The following PKD2 variants were observed in gnomAD, a reference collection of about 807,000 sequenced individuals.
The protein encoded by PKD2 is polycystin 2, transient receptor potential cation channel, also known as polycystin-2.
PKD2 carries 48 observed loss-of-function variants against 105.9 expected under a neutral mutation model. The observed-to-expected ratio is 0.45, with a 90% CI of 0.36 to 0.58. PKD2 has a LOEUF of 0.58. Ranked by LOEUF, PKD2 falls within the 20% of genes least tolerant of loss-of-function variation. PKD2 has a pLI of 0.00. For synonymous variants in PKD2, 464 were observed against 481.1 expected, an observed-to-expected ratio of 0.96 and a Z score of 0.46; for missense variants, 1,078 against 1,255.3, an observed-to-expected ratio of 0.86 and a Z score of 2.13.
chr4:88,065,608 T>TC (rs1231386619), intron 11 of PKD2, 113 bp downstream of exon 11: 3 of 1,187,660 alleles, frequency 2.5e-6, no homozygotes, highest in Non-Finnish European at 3.7e-6. Context: ...TTTTTTTTTT[T>TC]CCAGAGGCAG....
At chr4:88,029,363 G>A (rs989850767) in intron 2 of PKD2, among the ~76,000 whole-genome samples, 5 of 152,016 alleles carry the variant, frequency 3.3e-5, no homozygotes, top group Non-Finnish European at 7.4e-5. Context: ...GTGACTCCAC[G>A]TCCCACTCAT....
At chr4:88,052,676 G>T (rs1171948096) in intron 7 of PKD2, among the ~76,000 whole-genome samples, 1 of 152,136 alleles carries the variant, frequency 6.6e-6, no homozygotes, top group Non-Finnish European at 1.5e-5. Flanking sequence ...GTCCCTATAG[G>T]TTTTGTTTAA....
intron 2 of PKD2, among the ~76,000 whole-genome samples, chr4:88,021,536 G>A (rs1487328912): frequency 6.6e-6 from 1 of 152,060 alleles, no homozygotes; most frequent in Non-Finnish European, 1.5e-5. Flanking sequence ...ACTTAAGAAA[G>A]TATCTTAGCA....
chr4:88,053,126 A>G (rs1421378561), intron 7 of PKD2, among the ~76,000 whole-genome samples: 1 of 152,166 alleles, frequency 6.6e-6, no homozygotes, highest in South Asian at 2.1e-4. Context: ...TACTAGCCAC[A>G]TGTGCCTATT....
chr4:88,050,061 G>C (rs1258813152), intron 6 of PKD2, among the ~76,000 whole-genome samples: 1 of 143,238 alleles, frequency 7.0e-6, no homozygotes, highest in African/African-American at 2.6e-5. Context: ...TGCAAGCTCT[G>C]CCTCCCGGGT....
chr4:88,032,911 A>G (rs949136008), intron 2 of PKD2, among the ~76,000 whole-genome samples: 5 of 152,174 alleles, frequency 3.3e-5, no homozygotes, highest in Admixed American at 2.0e-4. Context: ...CTCAAGATGC[A>G]AGACCCACAA....
intron 9 of PKD2, among the ~76,000 whole-genome samples, chr4:88,059,319 T>C (rs1163023509): frequency 6.6e-6 from 1 of 152,144 alleles, no homozygotes; most frequent in Admixed American, 6.5e-5. Flanking sequence ...CTTCCTATCA[T>C]ATATTAAAAC....
At chr4:88,019,639 TA>T in intron 2 of PKD2, 68 bp downstream of exon 2, 2 of 873,440 alleles carry the variant, frequency 2.3e-6, no homozygotes, top group Admixed American at 1.8e-5. Context: ...AAATCATAAT[TA>T]AAAGGAAGTG....
chr4:88,065,992 T>A (rs1372584938), intron 12 of PKD2, 113 bp downstream of exon 12: 17 of 583,540 alleles, frequency 2.9e-5, no homozygotes, highest in Non-Finnish European at 4.2e-5. Context: ...CCCACCACAC[T>A]CTCTCTCTCT....
chr4:88,022,240 G>A (rs917166432), intron 2 of PKD2, among the ~76,000 whole-genome samples: 2 of 152,112 alleles, frequency 1.3e-5, no homozygotes, highest in Non-Finnish European at 2.9e-5. Flanking sequence ...CCATTCTGTT[G>A]AAATTATCTT....
intron 2 of PKD2, among the ~76,000 whole-genome samples, chr4:88,028,132 A>G (rs1465319315): frequency 2.0e-5 from 3 of 152,234 alleles, no homozygotes; most frequent in African/African-American, 7.2e-5. Flanking sequence ...CCCTTTTAAG[A>G]AGAGATCTAT....
At chr4:88,031,152 A>T (rs75942010) in intron 2 of PKD2, among the ~76,000 whole-genome samples, 4 of 152,194 alleles carry the variant, frequency 2.6e-5, no homozygotes, top group Admixed American at 2.0e-4. Context: ...TAAGCGACCA[A>T]TACTCTACAG....
Position 88,065,616 on chromosome 4 carries a change from C to A in PKD2, c.2240+121C>A, listed in dbSNP as rs984281739. ...TACTTTTTTTTTTTTTTTCCAGAGG[C>A]AGGTATCTTTCTGGAACATGTTATA... On this transcript the variant is annotated intron_variant, in intron 11 of 14. Transcript: ENST00000237596. 5 of 1,181,430 alleles carry A rather than the reference C, an allele frequency of 4.2e-6. No individual in the cohort carries two copies. In the East Asian group the frequency reaches 1.2e-4, roughly 28 times the overall value. The allele number at this position is 1,181,430 out of a possible 1,614,324, so 73.2% of individuals were successfully genotyped here.
intron 2 of PKD2, among the ~76,000 whole-genome samples, chr4:88,035,491 C>T (rs1409095313): frequency 6.6e-6 from 1 of 152,110 alleles, no homozygotes; most frequent in Non-Finnish European, 1.5e-5. Flanking sequence ...GTTACTACCT[C>T]CAGGCTTTAG....
chr4:88,008,662 A>G (rs1726280994), intron 1 of PKD2, among the ~76,000 whole-genome samples: 1 of 152,130 alleles, frequency 6.6e-6, no homozygotes, highest in Admixed American at 6.5e-5. Context: ...AGAGGAAAAA[A>G]TGAACATTAC....
chr4:88,015,268 A>G (rs948556140), intron 1 of PKD2, among the ~76,000 whole-genome samples: 17 of 152,332 alleles, frequency 1.1e-4, no homozygotes, highest in East Asian at 7.7e-4. Flanking sequence ...GCTACCCCCT[A>G]TCATATCAGC....
intron 2 of PKD2, among the ~76,000 whole-genome samples, chr4:88,027,054 A>G (rs986400175): frequency 6.6e-6 from 1 of 152,210 alleles, no homozygotes; most frequent in African/African-American, 2.4e-5. Flanking sequence ...TGCTAGGGCA[A>G]TGCAGGGGGG....
intron 6 of PKD2, among the ~76,000 whole-genome samples, chr4:88,048,327 A>G (rs527433355): frequency 6.6e-6 from 1 of 152,318 alleles, no homozygotes; most frequent in African/African-American, 2.4e-5. Context: ...TATTTAGATC[A>G]AGTCATTATT....
intron 6 of PKD2, among the ~76,000 whole-genome samples, chr4:88,048,115 T>C (rs1338254672): frequency 2.0e-5 from 3 of 152,250 alleles, no homozygotes; most frequent in Non-Finnish European, 4.4e-5. Flanking sequence ...AATTATTAGA[T>C]GCTTACAAGC....
Sources: gnomAD v4.1 joint callset for allele counts (sites outside exome capture counted in the v4.1 genomes callset) on GRCh38, gnomAD v4.1.1 for gene constraint, MANE v1.5 for transcripts, NCBI Gene and HGNC (gene_info 2026-07-23, HGNC 2026-07-21) for gene names.